The following NUBPL variants were observed in gnomAD, a reference collection of about 807,000 sequenced individuals.
NUBPL encodes NUBP iron-sulfur cluster assembly factor, mitochondrial.
In NUBPL, 31 loss-of-function variants were observed where a neutral mutation model predicts 45.7. That is an observed-to-expected ratio of 0.68 (90% CI 0.51 to 0.92). NUBPL has a LOEUF of 0.92. NUBPL is among the 40% of genes least tolerant of loss of function. The pLI, the probability that NUBPL is intolerant of heterozygous loss-of-function variation, is 0.00. For synonymous variants in NUBPL, 144 were observed against 140.9 expected (o/e 1.02, Z -0.15); for missense variants, 401 against 398.7 (o/e 1.01, Z -0.05).
chr14:31,565,063 A>G lies in NUBPL; in HGVS notation c.291+15A>G, dbSNP rs760809195. On this transcript the variant is annotated intron_variant, in intron 3 of 10. Transcript: ENST00000281081. ...CGAACGATTCGGTAGGTGTTTATTA[A>G]TAGAAATATTAATTTATTAAAATGT... is the stretch of plus-strand genomic sequence containing the variant. 15 of 1,467,738 alleles carry G rather than the reference A, an allele frequency of 1.0e-5. No individual in the cohort carries two copies. Among genetic ancestry groups the G allele is most frequent in the African/African-American group, 1.4e-5 (1 of 72,254 alleles). The allele number at this position is 1,467,738 out of a possible 1,614,324, so 90.9% of individuals were successfully genotyped here.
chr14:31,756,295 T>C (rs77828254), intron 6 of NUBPL, among the ~76,000 whole-genome samples: 55,891 of 152,002 alleles, frequency 0.37, 12,590 homozygotes, highest in East Asian at 0.6. Context: ...TTGGGCAGTA[T>C]GGTCATTTTC....
chr14:31,728,596 T>C (rs905792232), intron 6 of NUBPL, among the ~76,000 whole-genome samples: 32 of 152,182 alleles, frequency 2.1e-4, no homozygotes, highest in Admixed American at 3.3e-4. Flanking sequence ...GACTGCAAAG[T>C]AATATCAATT....
intron 7 of NUBPL, among the ~76,000 whole-genome samples, chr14:31,809,780 T>C (rs1950803222): frequency 6.6e-6 from 1 of 152,236 alleles, no homozygotes. Context: ...CTCTACACAC[T>C]GCTTTAAATG....
rs1168071851 is a variant in NUBPL, at chr14:31,673,374, C to CTTGAATTA, written c.404_411dup (p.Gly138Ter). The CTTGAATTA allele has an allele frequency of 2.5e-6, 4 of 1,605,002 alleles. No individual in the cohort carries two copies. Among genetic ancestry groups the CTTGAATTA allele is most frequent in the Non-Finnish European group, 3.4e-6 (4 of 1,176,032 alleles). ...TTCCAGGCAACCTAATGAGGCCTCT[C>CTTGAATTA]TTGAATTATGGTATTGCTTGGTGAG... On this transcript the variant is annotated frameshift_variant, in exon 5 of 11. Transcript: ENST00000281081. LOFTEE classifies it high-confidence loss of function.
intron 3 of NUBPL, among the ~76,000 whole-genome samples, chr14:31,584,588 C>T (rs575458669): frequency 3.9e-5 from 6 of 152,172 alleles, no homozygotes; most frequent in Non-Finnish European, 8.8e-5. Flanking sequence ...AACCCCATAC[C>T]CCTGAACTGT....
chr14:31,648,779 T>C (rs139684984), intron 4 of NUBPL, among the ~76,000 whole-genome samples: 8 of 152,324 alleles, frequency 5.3e-5, no homozygotes, highest in East Asian at 3.9e-4. Context: ...ACTACTGATA[T>C]GTTAGTTCTA....
intron 4 of NUBPL, among the ~76,000 whole-genome samples, chr14:31,637,493 A>G (rs1322035670): frequency 6.6e-6 from 1 of 152,112 alleles, no homozygotes; most frequent in East Asian, 1.9e-4. Flanking sequence ...TTTGCTGAGG[A>G]GAGCTTTACT....
chr14:31,570,945 C>T (rs1247975348), intron 3 of NUBPL, among the ~76,000 whole-genome samples: 1 of 152,208 alleles, frequency 6.6e-6, no homozygotes, highest in Non-Finnish European at 1.5e-5. Flanking sequence ...ATCACATACT[C>T]CCTTGCTCAG....
intron 6 of NUBPL, among the ~76,000 whole-genome samples, chr14:31,741,454 A>C (rs1230053496): frequency 1.3e-5 from 2 of 152,164 alleles, no homozygotes; most frequent in African/African-American, 2.4e-5. Flanking sequence ...TAAACCCAGC[A>C]GGCTGGGTTC....
At chr14:31,640,697 ATC>A (rs987803112) in intron 4 of NUBPL, among the ~76,000 whole-genome samples, 2 of 151,370 alleles carry the variant, frequency 1.3e-5, no homozygotes, top group African/African-American at 4.9e-5. Context: ...TTAAAATTTT[ATC>A]TGTTTATTAA....
At chr14:31,647,235 G>A (rs537267904) in intron 4 of NUBPL, among the ~76,000 whole-genome samples, 8 of 152,180 alleles carry the variant, frequency 5.3e-5, no homozygotes, top group African/African-American at 1.9e-4. Context: ...CATTTGAGGA[G>A]GTCAGTTCCC....
chr14:31,857,504 T>C (rs1238917375), intron 10 of NUBPL, among the ~76,000 whole-genome samples: 1 of 152,206 alleles, frequency 6.6e-6, no homozygotes, highest in Non-Finnish European at 1.5e-5. Flanking sequence ...GGATTTTCTA[T>C]TCCTATCACA....
intron 4 of NUBPL, among the ~76,000 whole-genome samples, chr14:31,616,484 A>C (rs2034902968): frequency 8.8e-6 from 1 of 113,998 alleles, no homozygotes; most frequent in East Asian, 3.0e-4. Flanking sequence ...AGCTTTCTGC[A>C]TATGGCTAGC....
At chr14:31,711,770 G>C (rs141137203) in intron 6 of NUBPL, among the ~76,000 whole-genome samples, 1 of 151,930 alleles carries the variant, frequency 6.6e-6, no homozygotes, top group Non-Finnish European at 1.5e-5. Flanking sequence ...AAGGCAGTGC[G>C]TCTGGAGTTG....
intron 6 of NUBPL, among the ~76,000 whole-genome samples, chr14:31,700,449 T>G (rs1413966216): frequency 6.6e-6 from 1 of 152,140 alleles, no homozygotes; most frequent in Non-Finnish European, 1.5e-5. Context: ...TGGCCATGCT[T>G]GAGGAGCCCT....
At chr14:31,623,422 A>G (rs2035119948) in intron 4 of NUBPL, among the ~76,000 whole-genome samples, 2 of 152,178 alleles carry the variant, frequency 1.3e-5, no homozygotes, top group East Asian at 1.9e-4. Context: ...TGAGAAGGAC[A>G]TAAGATTTGG....
At chr14:31,596,412 T>C (rs550754274) in intron 3 of NUBPL, among the ~76,000 whole-genome samples, 2 of 152,342 alleles carry the variant, frequency 1.3e-5, no homozygotes, top group African/African-American at 4.8e-5. Flanking sequence ...GTTGAATGAC[T>C]GAATAGCTTC....
chr14:31,841,917 C>CTTTTGTTTTTGTTTTTTTTTTTTTTT lies in NUBPL; in HGVS notation c.694-4550_694-4549insGTTTTTGTTTTTTTTTTTTTTTTTTT. 3.5e-4 allele frequency among the ~76,000 whole-genome samples: 15 copies of CTTTTGTTTTTGTTTTTTTTTTTTTTT among 43,050 alleles called. 2 individuals are homozygous for CTTTTGTTTTTGTTTTTTTTTTTTTTT. Among genetic ancestry groups the CTTTTGTTTTTGTTTTTTTTTTTTTTT allele is most frequent in the South Asian group, 9.7e-4 (1 of 1,032 alleles). The allele number at this position is 43,050 out of a possible 152,430, so 28.2% of individuals were successfully genotyped here. A position where few individuals can be genotyped will look rare whatever the true frequency, so the allele number is the denominator to read the frequency against. On this transcript the variant is annotated intron_variant, in intron 8 of 10. Transcript: ENST00000281081. Reference sequence around the variant, plus strand: ...CTTTCATGTATGGGTCGATTCTGGGCTTTTTTTTTTTTTTTTTTTTTTTTT... The same window carrying CTTTTGTTTTTGTTTTTTTTTTTTTTT: ...CTTTCATGTATGGGTCGATTCTGGGCTTTTGTTTTTGTTTTTTTTTTTTTTTTTTTTTTTTTTTTTTTTTTTTTTTT...
intron 7 of NUBPL, among the ~76,000 whole-genome samples, chr14:31,798,546 A>G (rs2039513711): frequency 6.6e-6 from 1 of 151,704 alleles, no homozygotes; most frequent in Admixed American, 6.6e-5. Flanking sequence ...TAATCCCAGC[A>G]CTTTGAGAGG....
Sources: allele counts gnomAD v4.1 joint callset (sites outside exome capture counted in the v4.1 genomes callset), GRCh38; gene constraint gnomAD v4.1.1; transcripts MANE v1.5; gene names NCBI Gene and HGNC (gene_info 2026-07-23, HGNC 2026-07-21).